Variants in PTPRJ observed in about 807,000 individuals in gnomAD.
The protein encoded by PTPRJ is protein tyrosine phosphatase receptor type J, also known as receptor-type tyrosine-protein phosphatase eta.
PTPRJ carries 129 observed loss-of-function variants against 141.3 expected under a neutral mutation model. The ratio of observed to expected loss-of-function variants is 0.91; its 90% CI spans 0.79 to 1.06. The LOEUF (loss-of-function observed/expected upper bound fraction) is 1.06. PTPRJ is among the 50% of genes least tolerant of loss of function. The pLI is 0.00. For synonymous variants in PTPRJ, 610 were observed against 640.5 expected (o/e 0.95, Z 0.72); for missense variants, 1,601 against 1,679.7 (o/e 0.95, Z 0.82).
At chr11:48,107,159 C>T (rs959142335) in intron 1 of PTPRJ, among the ~76,000 whole-genome samples, 1 of 151,864 alleles carries the variant, frequency 6.6e-6, no homozygotes, top group Non-Finnish European at 1.5e-5. Context: ...TGCAGAAAGC[C>T]GTGTTAACCA....
chr11:48,028,122 C>T (rs1271055092), intron 1 of PTPRJ, among the ~76,000 whole-genome samples: 1 of 152,232 alleles, frequency 6.6e-6, no homozygotes, highest in Non-Finnish European at 1.5e-5. Flanking sequence ...TAAGTGGTCT[C>T]ACCTTTCTTG....
chr11:48,043,499 G>A (rs1407011340), intron 1 of PTPRJ, among the ~76,000 whole-genome samples: 1 of 152,242 alleles, frequency 6.6e-6, no homozygotes, highest in Non-Finnish European at 1.5e-5. Flanking sequence ...GCATCAGTGA[G>A]TGAGGGGAAA....
At chr11:48,039,865 T>C (rs1340007487) in intron 1 of PTPRJ, among the ~76,000 whole-genome samples, 1 of 152,112 alleles carries the variant, frequency 6.6e-6, no homozygotes, top group Non-Finnish European at 1.5e-5. Flanking sequence ...CTTGGCTCAC[T>C]GCAGCCTCCG....
intron 1 of PTPRJ, among the ~76,000 whole-genome samples, chr11:48,053,396 A>C: frequency 9.3e-6 from 1 of 107,512 alleles, no homozygotes; most frequent in Non-Finnish European, 1.7e-5. Flanking sequence ...ATAAAAATAT[A>C]TGATATATAA....
chr11:48,010,624 G>T (rs957301889), intron 1 of PTPRJ, among the ~76,000 whole-genome samples: 1 of 151,614 alleles, frequency 6.6e-6, no homozygotes, highest in Non-Finnish European at 1.5e-5. Flanking sequence ...TGCAACCTCC[G>T]CCTCCTGGGT....
At position 48,169,507 on chromosome 11, in the gene PTPRJ, A is replaced by T. The variant is rs180793539; in HGVS notation, c.*2145A>T. 6.6e-6 allele frequency: 1 copy of T among 152,068 alleles called. No individual in the cohort carries two copies. Among genetic ancestry groups the T allele is most frequent in the East Asian group, 1.9e-4 (1 of 5,142 alleles). The allele number at this position is 152,068 out of a possible 1,614,324, so 9.4% of individuals were successfully genotyped here. On this transcript the variant is annotated 3_prime_UTR_variant, in exon 25 of 25. Coordinates refer to ENST00000418331, the MANE Select transcript of PTPRJ (RefSeq NM_002843.4). ...ACTGGCCTGCCTCCAACTCATACAG[A>T]TCTCGGAGCGGTCGGTACTTCATTC...
chr11:48,043,822 T>C (rs914609677), intron 1 of PTPRJ, among the ~76,000 whole-genome samples: 1 of 152,182 alleles, frequency 6.6e-6, no homozygotes, highest in Non-Finnish European at 1.5e-5. Flanking sequence ...GGCATTGTGC[T>C]TCTTTCTCGA....
intron 1 of PTPRJ, among the ~76,000 whole-genome samples, chr11:48,094,780 G>A (rs923797359): frequency 3.9e-5 from 6 of 152,200 alleles, no homozygotes; most frequent in Non-Finnish European, 7.3e-5. Flanking sequence ...GCTCTCAAAC[G>A]TTAGATTTTG....
chr11:48,045,886 A>T (rs1465683416), intron 1 of PTPRJ, among the ~76,000 whole-genome samples: 5 of 152,098 alleles, frequency 3.3e-5, no homozygotes, highest in Admixed American at 6.6e-5. Flanking sequence ...ATACCTCCTG[A>T]TCGTGTTCAA....
In PTPRJ at chr11:48,136,384, C is replaced by G. The variant is rs548649611; in HGVS notation, c.1873+88C>G. ...TGGTTAAATGATGGCCAGTGTGCTTCTGGGATCCAGGTTGACTCTGAAACT... is the reference window on the plus strand; with the variant it reads ...TGGTTAAATGATGGCCAGTGTGCTTGTGGGATCCAGGTTGACTCTGAAACT... On this transcript the variant is annotated intron_variant, in intron 9 of 24. Coordinates refer to ENST00000418331, the MANE Select transcript of PTPRJ (RefSeq NM_002843.4). The G allele has an allele frequency of 4.2e-5, 63 of 1,491,810 alleles. No individual in the cohort carries two copies. The South Asian group carries it at 7.9e-4, about 19-fold the overall frequency. 92.4% of individuals were successfully genotyped at this position (1,491,810 alleles called of 1,614,324 possible). A position where few individuals can be genotyped will look rare whatever the true frequency, so the allele number is the denominator to read the frequency against.
At chr11:48,062,706 G>A (rs1173352938) in intron 1 of PTPRJ, among the ~76,000 whole-genome samples, 1 of 152,204 alleles carries the variant, frequency 6.6e-6, no homozygotes, top group African/African-American at 2.4e-5. Flanking sequence ...CGAACAAGAA[G>A]ACTGCTTTGC....
At chr11:48,147,853 T>G (rs1221985345) in intron 15 of PTPRJ, among the ~76,000 whole-genome samples, 1 of 149,978 alleles carries the variant, frequency 6.7e-6, no homozygotes, top group East Asian at 1.9e-4. Context: ...TAGGTTCTGT[T>G]TTTTTTTTTT....
chr11:48,053,387 T>A (rs1380068141), intron 1 of PTPRJ, among the ~76,000 whole-genome samples: 12 of 99,282 alleles, frequency 1.2e-4, no homozygotes, highest in Non-Finnish European at 1.9e-4. Context: ...AAAATATATA[T>A]AAAAATATAT....
Position 48,139,564 on chromosome 11 carries a change from C to G in PTPRJ, c.2231C>G (p.Pro744Arg), listed in dbSNP as rs1857185215. Residue 744 changes from proline (P) to arginine (R), a missense_variant, in exon 11 of 25, where the codon CCT (proline) becomes CGT (arginine). Physicochemically the swap from Pro to Arg is moderately radical, Grantham distance 103. Coordinates refer to ENST00000418331, the MANE Select transcript of PTPRJ (RefSeq NM_002843.4). The stretch of plus-strand genomic sequence containing the variant: ...CTGGTTCTCAAATGGACCTGCCCTC[C>G]TGGCGCCAATGCAGGCTTTGAGCTG... ...PALVLKWTCPPGANAGFELEV... is the reference protein window; with the variant it reads ...PALVLKWTCPRGANAGFELEV... The G allele has an allele frequency of 2.5e-6, 4 of 1,614,260 alleles. No individual in the cohort carries two copies. The highest frequency in any genetic ancestry group is 3.4e-6 in the Non-Finnish European group (4 of 1,180,040).
At chr11:48,081,372 A>G (rs577884073) in intron 1 of PTPRJ, among the ~76,000 whole-genome samples, 15 of 152,160 alleles carry the variant, frequency 9.9e-5, no homozygotes, top group Non-Finnish European at 1.5e-4. Flanking sequence ...GCAGAAGGGA[A>G]CTTCCACTTC....
intron 1 of PTPRJ, among the ~76,000 whole-genome samples, chr11:48,072,701 A>G (rs1187615744): frequency 6.6e-6 from 1 of 152,192 alleles, no homozygotes; most frequent in Non-Finnish European, 1.5e-5. Flanking sequence ...AACGCCAGTG[A>G]TCTGTTTTTC....
At chr11:48,100,947 C>G (rs1270436237) in intron 1 of PTPRJ, among the ~76,000 whole-genome samples, 1 of 151,426 alleles carries the variant, frequency 6.6e-6, no homozygotes, top group Non-Finnish European at 1.5e-5. Flanking sequence ...AGGTTCAGTA[C>G]TGATCAGCAT....
At chr11:48,106,245 G>A (rs1856284832) in intron 1 of PTPRJ, among the ~76,000 whole-genome samples, 1 of 152,174 alleles carries the variant, frequency 6.6e-6, no homozygotes, top group Non-Finnish European at 1.5e-5. Context: ...TCGAGTCAGG[G>A]CGTTGCTCTA....
intron 21 of PTPRJ, among the ~76,000 whole-genome samples, chr11:48,157,047 T>G (rs968402113): frequency 6.6e-6 from 1 of 151,962 alleles, no homozygotes; most frequent in Non-Finnish European, 1.5e-5. Context: ...TGGAGTGCCG[T>G]GGTGTGATCT....
Sources: allele counts gnomAD v4.1 joint callset (sites outside exome capture counted in the v4.1 genomes callset), GRCh38; gene constraint gnomAD v4.1.1; transcripts MANE v1.5; gene names NCBI Gene and HGNC (gene_info 2026-07-23, HGNC 2026-07-21).